Variants in FXN observed in about 807,000 individuals in gnomAD.
The protein encoded by FXN is frataxin, mitochondrial.
A neutral mutation model predicts 22.4 loss-of-function variants in FXN; 14 were observed. That is an observed-to-expected ratio of 0.62 (90% CI 0.41 to 0.98). FXN has a LOEUF of 0.98. Ranked by LOEUF, FXN falls within the 50% of genes least tolerant of loss-of-function variation. FXN has a pLI of 0.00. For synonymous variants in FXN, 120 were observed against 114.1 expected, an observed-to-expected ratio of 1.05 and a Z score of -0.33; for missense variants, 267 against 268.4, an observed-to-expected ratio of 0.99 and a Z score of 0.04.
At chr9:69,058,389 G>C (rs1832002399) in intron 3 of FXN, among the ~76,000 whole-genome samples, 1 of 148,642 alleles carries the variant, frequency 6.7e-6, no homozygotes, top group Admixed American at 6.7e-5. Flanking sequence ...TTACCTCCAG[G>C]CTGACCTCTT....
intron 4 of FXN, among the ~76,000 whole-genome samples, chr9:69,067,651 A>AT (rs1832195464): frequency 6.6e-6 from 1 of 152,220 alleles, no homozygotes; most frequent in Non-Finnish European, 1.5e-5. Flanking sequence ...ATTATCAACA[A>AT]TAAAGATCAT....
intron 2 of FXN, among the ~76,000 whole-genome samples, chr9:69,047,075 G>A (rs1831768427): frequency 6.6e-6 from 1 of 152,178 alleles, no homozygotes; most frequent in African/African-American, 2.4e-5. Flanking sequence ...GGGAAATATA[G>A]TCTAGCGAGT....
intron 4 of FXN, among the ~76,000 whole-genome samples, chr9:69,066,865 A>T (rs1413969333): frequency 1.8e-4 from 22 of 118,988 alleles, no homozygotes; most frequent in African/African-American, 6.0e-4. Flanking sequence ...CCTCAAAAAA[A>T]AAAAATATAT....
At chr9:69,055,186 G>C (rs1379627591) in intron 3 of FXN, among the ~76,000 whole-genome samples, 1 of 152,168 alleles carries the variant, frequency 6.6e-6, no homozygotes, top group Non-Finnish European at 1.5e-5. Flanking sequence ...CTAGAGGGCC[G>C]GGCTGCTTGG....
intron 4 of FXN, among the ~76,000 whole-genome samples, chr9:69,066,969 C>T (rs935958309): frequency 1.3e-5 from 2 of 152,190 alleles, no homozygotes; most frequent in African/African-American, 2.4e-5. Context: ...ACAGGCTCCC[C>T]GGTCCACCTC....
At chr9:69,037,171 C>G (rs1024114480) in intron 1 of FXN, among the ~76,000 whole-genome samples, 5 of 150,838 alleles carry the variant, frequency 3.3e-5, no homozygotes, top group Admixed American at 1.3e-4. Context: ...TGCCCATAAT[C>G]TCAGCACTTT....
In FXN at chr9:69,064,612, C is replaced by A. The variant is rs1412414367; in HGVS notation, c.385-326C>A. ...TTGATGGTTGAGGGCAACAAACCAG[C>A]AGTCCCAGATGCCAGCACCAAGACC... On this transcript the variant is annotated intron_variant, in intron 3 of 4. Coordinates refer to ENST00000484259, the MANE Select transcript of FXN (RefSeq NM_000144.5). Among the ~76,000 whole-genome samples the A allele has an allele frequency of 1.3e-5, 2 of 152,282 alleles. 1 individual carries two copies. The highest frequency in any genetic ancestry group is 4.1e-4 in the South Asian group (2 of 4,820).
At position 69,035,836 on chromosome 9, in the gene FXN, A is replaced by G. The variant is rs2481598; in HGVS notation, c.54A>G (p.Pro18=). ...CCGGCCTCCTGGCGTCACCCAGCCC[A>G]GCCCAGGCCCAGACCCTCACCCGGG... The part of the protein sequence containing the change: ...AVAGLLASPS[P]AQAQTLTRVP... Residue 18 remains proline, a synonymous_variant, in exon 1 of 5, where the codon CCA becomes CCG. Coordinates refer to ENST00000484259, the MANE Select transcript of FXN (RefSeq NM_000144.5). 1,507,729 of 1,511,616 alleles carry G rather than the reference A, an allele frequency of 1. 752,000 individuals carry two copies. Among genetic ancestry groups the G allele is most frequent in the East Asian group, 1 (38,419 of 38,420 alleles). 93.6% of individuals were successfully genotyped at this position (1,511,616 alleles called of 1,614,324 possible).
chr9:69,066,858 C>CAA (rs71500343), intron 4 of FXN, among the ~76,000 whole-genome samples: 44 of 144,878 alleles, frequency 3.0e-4, no homozygotes, highest in African/African-American at 9.2e-4. Flanking sequence ...CTATCTTCCT[C>CAA]AAAAAAAAAA....
At chr9:69,045,040 G>A (rs1431418838) in intron 1 of FXN, among the ~76,000 whole-genome samples, 1 of 152,178 alleles carries the variant, frequency 6.6e-6, no homozygotes, top group African/African-American at 2.4e-5. Context: ...TGAACAGCCT[G>A]CAGCAGCCCT....
In FXN at chr9:69,073,518, G is replaced by A. The variant is rs1387715941; in HGVS notation, c.*756G>A. The A allele has an allele frequency of 1.0e-6, 1 of 985,392 alleles. No individual in the cohort carries two copies. The highest frequency in any genetic ancestry group is 1.7e-5 in the African/African-American group (1 of 57,234). 61.0% of individuals were successfully genotyped at this position (985,392 alleles called of 1,614,324 possible). ...AAAAAGCCGTTTTCATGAGCTGAGTGATGTAGCGTAACAAACAAAATCATG... is the reference window on the plus strand; with the variant it reads ...AAAAAGCCGTTTTCATGAGCTGAGTAATGTAGCGTAACAAACAAAATCATG... On this transcript the variant is annotated 3_prime_UTR_variant, in exon 5 of 5. Coordinates refer to ENST00000484259, the MANE Select transcript of FXN (RefSeq NM_000144.5).
At position 69,077,556 on chromosome 9, in the gene FXN, G is replaced by C. The variant is rs946095882; in HGVS notation, c.*4794G>C. 2.0e-6 allele frequency: 2 copies of C among 985,470 alleles called. No individual in the cohort carries two copies. Among genetic ancestry groups the C allele is most frequent in the Non-Finnish European group, 2.4e-6 (2 of 829,946 alleles). The allele number at this position is 985,470 out of a possible 1,614,324, so 61.0% of individuals were successfully genotyped here. ...AGGCCCCATCCAGGTAGAAGTACTA[G>C]TGCAAGAAGGGCCTCTGCTGTCCAC... On this transcript the variant is annotated 3_prime_UTR_variant, in exon 5 of 5. Coordinates refer to ENST00000484259, the MANE Select transcript of FXN (RefSeq NM_000144.5).
intron 3 of FXN, among the ~76,000 whole-genome samples, chr9:69,057,915 A>G (rs1337824763): frequency 1.3e-5 from 2 of 152,330 alleles, no homozygotes; most frequent in African/African-American, 4.8e-5. Flanking sequence ...GTTCCTCAAC[A>G]GCAGGGACAC....
intron 1 of FXN, among the ~76,000 whole-genome samples, chr9:69,042,983 C>G (rs1404080064): frequency 1.3e-5 from 2 of 152,228 alleles, no homozygotes; most frequent in Non-Finnish European, 2.9e-5. Context: ...GTTTCCTCAT[C>G]TGTAAAACAC....
chr9:69,036,611 C>A (rs879381093), intron 1 of FXN, among the ~76,000 whole-genome samples: 1 of 152,178 alleles, frequency 6.6e-6, no homozygotes, highest in Non-Finnish European at 1.5e-5. Flanking sequence ...CTCTCTGAGA[C>A]GTGGCTTTGT....
At position 69,077,766 on chromosome 9, in the gene FXN, C is replaced by T. The variant is rs1832396554; in HGVS notation, c.*5004C>T. On this transcript the variant is annotated 3_prime_UTR_variant, in exon 5 of 5. Transcript: ENST00000484259. ...TCAACATGGTAAAACCCCGCCTCTA[C>T]TAAAAATACAAAAATTAGCTGGCCG... 1 of 667,690 alleles carries T rather than the reference C, an allele frequency of 1.5e-6. No individual in the cohort carries two copies. The highest frequency in any genetic ancestry group is 2.0e-5 in the African/African-American group (1 of 50,796). 41.4% of individuals were successfully genotyped at this position (667,690 alleles called of 1,614,324 possible).
chr9:69,053,184 T>C lies in FXN; in HGVS notation c.308T>C (p.Leu103Pro). The change falls in exon 3 of 5, where the codon CTG becomes CCG. Residue 103 changes from leucine to proline, a missense_variant. Transcript: ENST00000484259. ...TATGAAAGACTAGCAGAGGAAACGC[T>C]GGACTCTTTAGCAGAGTTTTTTGAA... is the stretch of plus-strand genomic sequence containing the variant. Reference protein sequence around the residue: ...TTYERLAEETLDSLAEFFEDL... With the variant: ...TTYERLAEETPDSLAEFFEDL... The C allele has an allele frequency of 1.2e-6, 2 of 1,614,016 alleles. No homozygotes were observed. The highest frequency in any genetic ancestry group is 1.3e-5 in the African/African-American group (1 of 75,048).
At chr9:69,044,499 C>A (rs1010940149) in intron 1 of FXN, among the ~76,000 whole-genome samples, 2 of 152,174 alleles carry the variant, frequency 1.3e-5, no homozygotes, top group African/African-American at 4.8e-5. Flanking sequence ...GCTAAGGGCA[C>A]TGCTGGCTCA....
chr9:69,065,169 G>T (rs1217374242), intron 4 of FXN, 134 bp downstream of exon 4: 1 of 720,160 alleles, frequency 1.4e-6, no homozygotes, highest in East Asian at 2.7e-5. Flanking sequence ...GAGAGGCTGA[G>T]GTAGGAGGAT....
Sources: allele counts gnomAD v4.1 joint callset (sites outside exome capture counted in the v4.1 genomes callset), GRCh38; gene constraint gnomAD v4.1.1; transcripts MANE v1.5; gene names NCBI Gene and HGNC (gene_info 2026-07-23, HGNC 2026-07-21).